CLVS1: variants seen among roughly 807,000 people sequenced by gnomAD.
CLVS1 encodes the protein clavesin 1, also known as clavesin-1.
Under a neutral mutation model 33.1 loss-of-function variants are expected in CLVS1, and 10 were observed. The observed-to-expected ratio is 0.30, with a 90% CI of 0.19 to 0.51. CLVS1 has a LOEUF of 0.51. CLVS1 is among the 20% of genes least tolerant of loss of function. The pLI is 0.97. For synonymous variants in CLVS1, 163 were observed against 166.1 expected, an observed-to-expected ratio of 0.98 and a Z score of 0.14; for missense variants, 343 against 433.4, an observed-to-expected ratio of 0.79 and a Z score of 1.85.
intron 1 of CLVS1, among the ~76,000 whole-genome samples, chr8:61,289,771 C>A (rs368195024): frequency 6.6e-6 from 1 of 152,116 alleles, no homozygotes; most frequent in Non-Finnish European, 1.5e-5. Context: ...ATGTATCTTG[C>A]GGAAGAAGTT....
At chr8:61,112,209 C>CACACAT (rs60719190) in intron 1 of CLVS1, among the ~76,000 whole-genome samples, 30,390 of 145,648 alleles carry the variant, frequency 0.21, 5,288 homozygotes, top group East Asian at 0.62. Flanking sequence ...CACACACACA[C>CACACAT]ACACACACAC....
intron 3 of CLVS1, among the ~76,000 whole-genome samples, chr8:61,420,320 C>A (rs1815605437): frequency 1.3e-5 from 2 of 152,198 alleles, no homozygotes; most frequent in African/African-American, 4.8e-5. Context: ...ACATTGTTGG[C>A]CGGGTGCGGT....
At chr8:60,970,912 T>G in the CLVS1 span, among the ~76,000 whole-genome samples, 4 of 152,082 alleles carry the variant, frequency 2.6e-5, no homozygotes, top group East Asian at 5.8e-4. Flanking sequence ...TTTTTTTATC[T>G]TTTCTCTTTT....
the CLVS1 span, among the ~76,000 whole-genome samples, chr8:60,970,176 T>C: frequency 2.0e-5 from 3 of 152,226 alleles, no homozygotes; most frequent in East Asian, 3.8e-4. Flanking sequence ...ATTTATTTGG[T>C]TTTCCATGCA....
chr8:61,463,856 C>T (rs540343042), intron 5 of CLVS1, among the ~76,000 whole-genome samples: 5 of 151,744 alleles, frequency 3.3e-5, no homozygotes, highest in East Asian at 3.9e-4. Flanking sequence ...TGTCTGAGCT[C>T]GGGAGTTCAA....
At chr8:61,392,169 A>G (rs972895580) in intron 3 of CLVS1, among the ~76,000 whole-genome samples, 2 of 152,112 alleles carry the variant, frequency 1.3e-5, no homozygotes, top group Non-Finnish European at 2.9e-5. Flanking sequence ...TCTTTACACA[A>G]AAAATTTTAA....
chr8:61,177,568 G>A (rs1807142056), intron 2 of CLVS1, among the ~76,000 whole-genome samples: 1 of 152,092 alleles, frequency 6.6e-6, no homozygotes, highest in Non-Finnish European at 1.5e-5. Flanking sequence ...ACCCTATACA[G>A]GAGCTTTCCT....
In CLVS1 at chr8:61,456,645, G is replaced by A. The variant is rs541119436; in HGVS notation, c.742-1662G>A. Among the ~76,000 whole-genome samples the A allele has an allele frequency of 5.9e-5, 9 of 152,100 alleles. No homozygotes were observed. In the South Asian group the frequency reaches 1.5e-3, roughly 25 times the overall value. On this transcript the variant is annotated intron_variant, in intron 4 of 5. Transcript: ENST00000325897. ...TAAAAATCACATATAGGCTGGGCGC[G>A]GTGGCTCACGCCTGTAATCCCAGCA... is the stretch of plus-strand genomic sequence containing the variant.
chr8:61,150,545 C>T (rs550614258), intron 2 of CLVS1, among the ~76,000 whole-genome samples: 4 of 152,156 alleles, frequency 2.6e-5, no homozygotes, highest in Admixed American at 2.6e-4. Flanking sequence ...CAGCCCTCCT[C>T]CCCTCCCATG....
At chr8:61,197,513 G>GTTGTTTGT (rs368590152) in intron 2 of CLVS1, among the ~76,000 whole-genome samples, 1 of 151,536 alleles carries the variant, frequency 6.6e-6, no homozygotes, top group Non-Finnish European at 1.5e-5. Context: ...TGTTGTTGTT[G>GTTGTTTGT]TTGTTTGTTT....
chr8:61,121,893 A>G (rs915515910), intron 1 of CLVS1, among the ~76,000 whole-genome samples: 1 of 152,208 alleles, frequency 6.6e-6, no homozygotes, highest in South Asian at 2.1e-4. Context: ...AAAACTATTC[A>G]TATTGGAAGT....
At chr8:61,232,632 C>G (rs1370107843) in intron 2 of CLVS1, among the ~76,000 whole-genome samples, 1 of 152,162 alleles carries the variant, frequency 6.6e-6, no homozygotes, top group Non-Finnish European at 1.5e-5. Flanking sequence ...ATAAAATGCT[C>G]CATAGTCTTC....
chr8:61,064,775 C>G (rs1804645233), intron 1 of CLVS1, among the ~76,000 whole-genome samples: 1 of 151,968 alleles, frequency 6.6e-6, no homozygotes, highest in African/African-American at 2.4e-5. Flanking sequence ...GATCTTGGCT[C>G]ACTGCAAGCT....
intron 2 of CLVS1, among the ~76,000 whole-genome samples, chr8:61,235,465 C>T (rs908182608): frequency 2.0e-5 from 3 of 152,170 alleles, no homozygotes; most frequent in African/African-American, 7.2e-5. Context: ...GAAAATGGAA[C>T]TTGAGAGGTC....
intron 2 of CLVS1, among the ~76,000 whole-genome samples, chr8:61,315,810 A>T (rs1169130398): frequency 6.6e-6 from 1 of 152,074 alleles, no homozygotes; most frequent in East Asian, 1.9e-4. Context: ...TATATGTGTC[A>T]TGGTGGTTTG....
chr8:61,215,050 G>C (rs1172319353), intron 2 of CLVS1, among the ~76,000 whole-genome samples: 1 of 151,994 alleles, frequency 6.6e-6, no homozygotes, highest in African/African-American at 2.4e-5. Context: ...CTTTTCAAGT[G>C]CCTTTTATTA....
intron 3 of CLVS1, among the ~76,000 whole-genome samples, chr8:61,414,848 T>G (rs949957687): frequency 6.6e-6 from 1 of 152,226 alleles, no homozygotes; most frequent in Non-Finnish European, 1.5e-5. Flanking sequence ...CTTCTCATCC[T>G]CACAGCACCT....
chr8:61,115,600 C>A (rs1805706202), intron 1 of CLVS1, among the ~76,000 whole-genome samples: 1 of 151,904 alleles, frequency 6.6e-6, no homozygotes, highest in Non-Finnish European at 1.5e-5. Flanking sequence ...GTTCAATTCC[C>A]ACCTATGAGT....
the CLVS1 span, among the ~76,000 whole-genome samples, chr8:61,035,629 A>T: frequency 1.3e-5 from 2 of 152,212 alleles, no homozygotes; most frequent in East Asian, 3.8e-4. Flanking sequence ...ACACCAGCAC[A>T]AAGCTGCAGG....
Sources: allele counts gnomAD v4.1 joint callset (sites outside exome capture counted in the v4.1 genomes callset), GRCh38; gene constraint gnomAD v4.1.1; transcripts MANE v1.5; gene names NCBI Gene and HGNC (gene_info 2026-07-23, HGNC 2026-07-21).